ESR1: variants seen among roughly 807,000 people sequenced by gnomAD.
The protein encoded by ESR1 is estrogen receptor.
Under a neutral mutation model 52.7 loss-of-function variants are expected in ESR1, and 12 were observed. The ratio of observed to expected loss-of-function variants is 0.23; its 90% CI spans 0.15 to 0.37. The LOEUF is 0.37. Ranked by LOEUF, ESR1 falls within the 10% of genes least tolerant of loss-of-function variation. The pLI, the probability that ESR1 is intolerant of heterozygous loss-of-function variation, is 1.00. For synonymous variants in ESR1, 305 were observed against 316.8 expected, an observed-to-expected ratio of 0.96 and a Z score of 0.39; for missense variants, 584 against 779.7, an observed-to-expected ratio of 0.75 and a Z score of 2.99.
At chr6:151,793,492 A>G (rs146471530) in intron 2 of ESR1, among the ~76,000 whole-genome samples, 1 of 152,336 alleles carries the variant, frequency 6.6e-6, no homozygotes, top group East Asian at 1.9e-4. Flanking sequence ...TTAGTCATAT[A>G]GTCATTTATT....
At chr6:151,943,727 C>G (rs961002035) in intron 3 of ESR1, among the ~76,000 whole-genome samples, 4 of 152,178 alleles carry the variant, frequency 2.6e-5, no homozygotes, top group African/African-American at 9.7e-5. Flanking sequence ...ATATTCCTAG[C>G]AGAAGTAGTC....
intron 5 of ESR1, among the ~76,000 whole-genome samples, chr6:152,021,647 G>A (rs905608181): frequency 6.6e-6 from 1 of 152,138 alleles, no homozygotes; most frequent in African/African-American, 2.4e-5. Context: ...ATGATGAGAT[G>A]TTACGGGAAT....
chr6:151,696,561 T>C (rs1779365824), intron 1 of ESR1, among the ~76,000 whole-genome samples: 1 of 152,118 alleles, frequency 6.6e-6, no homozygotes, highest in Non-Finnish European at 1.5e-5. Flanking sequence ...TTCAGTTTTC[T>C]ACCCTGTGCC....
intron 5 of ESR1, among the ~76,000 whole-genome samples, chr6:152,041,320 C>T (rs543042966): frequency 3.9e-5 from 6 of 152,324 alleles, no homozygotes; most frequent in Non-Finnish European, 7.3e-5. Flanking sequence ...AGAGCCTTCT[C>T]TTCTGGATCC....
At chr6:151,781,251 G>T (rs1048922019) in intron 2 of ESR1, among the ~76,000 whole-genome samples, 1 of 152,214 alleles carries the variant, frequency 6.6e-6, no homozygotes, top group Non-Finnish European at 1.5e-5. Flanking sequence ...ATTGGCTCAC[G>T]ATTCTGGAGG....
rs150989421 is a variant in ESR1, at chr6:152,004,215, C to T, written c.1097-7441C>T. ...AGGATGACTAAACTGTGCACATGAG[C>T]TGATGTCCAGAGCAGGGAAAAGCTG... On this transcript the variant is annotated intron_variant, in intron 4 of 7. Coordinates refer to ENST00000206249, the MANE Select transcript of ESR1 (RefSeq NM_000125.4). Among the ~76,000 whole-genome samples the T allele has an allele frequency of 2.1e-3, 323 of 152,036 alleles. 2 individuals are homozygous for T. The highest frequency in any genetic ancestry group is 7.1e-3 in the African/African-American group (296 of 41,502).
intron 4 of ESR1, among the ~76,000 whole-genome samples, chr6:151,953,406 G>T (rs892088097): frequency 1.3e-5 from 2 of 152,104 alleles, no homozygotes; most frequent in Non-Finnish European, 2.9e-5. Flanking sequence ...TCTAATGAGA[G>T]CTAAGTGAGT....
At chr6:151,945,036 C>A (rs1043263097) in intron 4 of ESR1, among the ~76,000 whole-genome samples, 6 of 152,032 alleles carry the variant, frequency 3.9e-5, no homozygotes, top group Non-Finnish European at 7.4e-5. Flanking sequence ...GGCAACGTGG[C>A]GAAACCCTGT....
chr6:151,986,927 G>A lies in ESR1; in HGVS notation c.1097-24729G>A, dbSNP rs111489237. ...CATGTGTGTGTGTGTGTGTGCACGC[G>A]AGCACGTGTGTGTGTGTGCGCGCCC... On this transcript the variant is annotated intron_variant, in intron 4 of 7. Coordinates refer to ENST00000206249, the MANE Select transcript of ESR1 (RefSeq NM_000125.4). 3.7e-3 allele frequency among the ~76,000 whole-genome samples: 558 copies of A among 151,908 alleles called. 2 individuals carry two copies. The highest frequency in any genetic ancestry group is 6.8e-3 in the Non-Finnish European group (465 of 68,004).
intron 2 of ESR1, among the ~76,000 whole-genome samples, chr6:151,850,257 G>C (rs564163705): frequency 6.7e-6 from 1 of 149,760 alleles, no homozygotes. Context: ...TTATACTGTG[G>C]TGTAACCCAC....
chr6:151,712,637 CTGTT>C (rs1365498233), intron 2 of ESR1, among the ~76,000 whole-genome samples: 1 of 152,002 alleles, frequency 6.6e-6, no homozygotes, highest in Non-Finnish European at 1.5e-5. Context: ...ATTTGGCTCT[CTGTT>C]TGTTATTACT....
intron 2 of ESR1, among the ~76,000 whole-genome samples, chr6:151,720,645 T>C (rs1781387491): frequency 6.6e-6 from 1 of 152,196 alleles, no homozygotes; most frequent in Non-Finnish European, 1.5e-5. Flanking sequence ...AAACAACAAG[T>C]ATAATTGCTT....
chr6:152,079,077 G>A (rs943517429), intron 6 of ESR1, among the ~76,000 whole-genome samples: 3 of 152,252 alleles, frequency 2.0e-5, no homozygotes, highest in Non-Finnish European at 2.9e-5. Context: ...AAAGGCAGCA[G>A]ACAGCTTCCG....
At chr6:151,670,733 G>A (rs1026151611) in intron 1 of ESR1, among the ~76,000 whole-genome samples, 5 of 148,968 alleles carry the variant, frequency 3.4e-5, no homozygotes, top group African/African-American at 5.0e-5. Context: ...ACAGGCTTGC[G>A]CCGTTACACC....
At chr6:151,978,389 A>C (rs766998251) in intron 4 of ESR1, among the ~76,000 whole-genome samples, 2 of 152,210 alleles carry the variant, frequency 1.3e-5, no homozygotes, top group African/African-American at 2.4e-5. Flanking sequence ...CAGTGTACGA[A>C]GGTGTAATAA....
chr6:152,065,101 T>C (rs752197245), intron 6 of ESR1, among the ~76,000 whole-genome samples: 6 of 152,184 alleles, frequency 3.9e-5, no homozygotes, highest in Non-Finnish European at 8.8e-5. Context: ...TGAAGTGTTT[T>C]AGTTTAAAGG....
intron 1 of ESR1, among the ~76,000 whole-genome samples, chr6:151,681,885 C>T (rs1222855111): frequency 6.6e-6 from 1 of 152,092 alleles, no homozygotes; most frequent in East Asian, 1.9e-4. Context: ...GTAGTGATTC[C>T]GGAAGACCTG....
chr6:152,023,553 A>G (rs910426153), intron 5 of ESR1, among the ~76,000 whole-genome samples: 1 of 152,234 alleles, frequency 6.6e-6, no homozygotes, highest in Non-Finnish European at 1.5e-5. Flanking sequence ...CATACCAAAT[A>G]AACTTATAAT....
intron 2 of ESR1, among the ~76,000 whole-genome samples, chr6:151,764,027 A>G (rs968288456): frequency 1.3e-5 from 2 of 152,122 alleles, no homozygotes; most frequent in African/African-American, 4.8e-5. Flanking sequence ...GGAAACAGGC[A>G]GTTCCCTGTT....
Sources: gnomAD v4.1 joint callset for allele counts (sites outside exome capture counted in the v4.1 genomes callset) on GRCh38, gnomAD v4.1.1 for gene constraint, MANE v1.5 for transcripts, NCBI Gene and HGNC (gene_info 2026-07-23, HGNC 2026-07-21) for gene names.